The following XKR4 variants were observed in gnomAD, a reference collection of about 807,000 sequenced individuals.
XKR4 encodes the protein XK-related protein 4.
XKR4 carries 12 observed loss-of-function variants against 53.9 expected under a neutral mutation model. That is an observed-to-expected ratio of 0.22 (90% CI 0.14 to 0.36). The LOEUF (loss-of-function observed/expected upper bound fraction) is 0.36. XKR4 is among the 10% of genes least tolerant of loss of function. The pLI is 1.00. For missense variants in XKR4, 799 were observed against 859.5 expected (o/e 0.93, Z 0.88); for synonymous variants, 354 against 362.4 (o/e 0.98, Z 0.26).
intron 1 of XKR4, among the ~76,000 whole-genome samples, chr8:55,302,571 A>G (rs1819218721): frequency 6.6e-6 from 1 of 152,132 alleles, no homozygotes; most frequent in Non-Finnish European, 1.5e-5. Context: ...CATTGAATCT[A>G]TAAATTACCT....
At chr8:55,266,382 A>T (rs1818601094) in intron 1 of XKR4, among the ~76,000 whole-genome samples, 1 of 152,038 alleles carries the variant, frequency 6.6e-6, no homozygotes, top group South Asian at 2.1e-4. Flanking sequence ...AGTGCATTGC[A>T]TGGCACCCCA....
chr8:55,375,728 A>T (rs1026467908), intron 2 of XKR4, among the ~76,000 whole-genome samples: 9 of 126,168 alleles, frequency 7.1e-5, no homozygotes, highest in South Asian at 2.5e-4. Flanking sequence ...TTTTTTTTTT[A>T]AATATATTTT....
chr8:55,524,049 A>T lies in XKR4; in HGVS notation c.1775A>T (p.Glu592Val). ...TPSSRPPRIE[E>V]SVIKIDLFRN... ...TCATCTCGCCCACCACGGATTGAAG[A>T]ATCAGTCATTAAAATTGACTTGTTC... Residue 592 changes from glutamate (E) to valine (V), a missense_variant, in exon 3 of 3, where the codon GAA (glutamate) becomes GTA (valine). Glu to Val is a moderately radical substitution (Grantham distance 121). Transcript: ENST00000327381. 1.2e-6 allele frequency: 2 copies of T among 1,614,204 alleles called. No individual in the cohort carries two copies. The highest frequency in any genetic ancestry group is 1.7e-6 in the Non-Finnish European group (2 of 1,180,036).
chr8:55,373,154 C>T (rs995920853), intron 2 of XKR4, among the ~76,000 whole-genome samples: 7 of 152,078 alleles, frequency 4.6e-5, no homozygotes, highest in Admixed American at 6.6e-5. Flanking sequence ...TAACAAGACT[C>T]GAAAACTACA....
At chr8:55,200,849 A>C (rs1372433584) in intron 1 of XKR4, among the ~76,000 whole-genome samples, 2 of 152,226 alleles carry the variant, frequency 1.3e-5, no homozygotes, top group Non-Finnish European at 2.9e-5. Flanking sequence ...CAGGTTACAC[A>C]TTTGGTAATA....
chr8:55,317,811 A>G (rs978231911), intron 1 of XKR4, among the ~76,000 whole-genome samples: 1 of 152,234 alleles, frequency 6.6e-6, no homozygotes, highest in Non-Finnish European at 1.5e-5. Context: ...GATGATTGGC[A>G]TAGGGGTCCT....
intron 1 of XKR4, among the ~76,000 whole-genome samples, chr8:55,241,930 C>CAAT (rs149205351): frequency 1.1e-4 from 16 of 151,868 alleles, no homozygotes; most frequent in African/African-American, 2.7e-4. Flanking sequence ...AGCAAGATGA[C>CAAT]AATAATAATA....
intron 2 of XKR4, among the ~76,000 whole-genome samples, chr8:55,438,589 T>TAAA (rs1805213586): frequency 1.3e-5 from 1 of 76,908 alleles, no homozygotes; most frequent in African/African-American, 5.4e-5. Flanking sequence ...GACTCCATCT[T>TAAA]GAAAAAAAAA....
intron 2 of XKR4, among the ~76,000 whole-genome samples, chr8:55,414,775 C>G (rs1376529276): frequency 2.0e-5 from 3 of 152,036 alleles, no homozygotes; most frequent in African/African-American, 7.3e-5. Context: ...ATTTTCCGAG[C>G]CATCTTTAAT....
chr8:55,442,609 A>G (rs1373685311), intron 2 of XKR4, among the ~76,000 whole-genome samples: 1 of 152,240 alleles, frequency 6.6e-6, no homozygotes, highest in African/African-American at 2.4e-5. Flanking sequence ...TGAATCAAAC[A>G]TAGTATAGCC....
chr8:55,262,779 G>A (rs553727382), intron 1 of XKR4, among the ~76,000 whole-genome samples: 1 of 152,326 alleles, frequency 6.6e-6, no homozygotes, highest in South Asian at 2.1e-4. Context: ...GCTGGCATTA[G>A]ATGCCCACTC....
chr8:55,339,360 C>T (rs879546873), intron 1 of XKR4, among the ~76,000 whole-genome samples: 1 of 152,260 alleles, frequency 6.6e-6, no homozygotes, highest in Non-Finnish European at 1.5e-5. Context: ...ATAAGGCTTC[C>T]GAGAAGGCTA....
chr8:55,311,190 C>T (rs1383664959), intron 1 of XKR4, among the ~76,000 whole-genome samples: 1 of 152,184 alleles, frequency 6.6e-6, no homozygotes, highest in Non-Finnish European at 1.5e-5. Flanking sequence ...AAGGGAAAAC[C>T]AGCAGAGCAA....
intron 2 of XKR4, among the ~76,000 whole-genome samples, chr8:55,502,118 A>G (rs1303600961): frequency 2.0e-5 from 3 of 152,164 alleles, no homozygotes; most frequent in Admixed American, 6.5e-5. Flanking sequence ...TCTTTTTTCA[A>G]ATATTTTTGA....
chr8:55,427,120 A>G (rs1436190141), intron 2 of XKR4, among the ~76,000 whole-genome samples: 4 of 152,230 alleles, frequency 2.6e-5, no homozygotes, highest in African/African-American at 7.2e-5. Flanking sequence ...ATAAACATGT[A>G]TTGGATAATA....
intron 2 of XKR4, among the ~76,000 whole-genome samples, chr8:55,465,808 C>A (rs1372018255): frequency 6.6e-6 from 1 of 151,972 alleles, no homozygotes; most frequent in East Asian, 1.9e-4. Flanking sequence ...CAAACAACCC[C>A]ATCAAAAAGT....
intron 2 of XKR4, among the ~76,000 whole-genome samples, chr8:55,466,394 C>T (rs1456009341): frequency 6.6e-6 from 1 of 151,826 alleles, no homozygotes; most frequent in African/African-American, 2.4e-5. Context: ...GACTAAAAAC[C>T]AAACACCTCG....
intron 1 of XKR4, among the ~76,000 whole-genome samples, chr8:55,116,372 T>C (rs1816308906): frequency 6.6e-6 from 1 of 152,154 alleles, no homozygotes; most frequent in Non-Finnish European, 1.5e-5. Flanking sequence ...GAAAGAGTTC[T>C]GGTGAACAAC....
intron 2 of XKR4, among the ~76,000 whole-genome samples, chr8:55,396,393 T>G (rs202209551): frequency 1.1e-3 from 84 of 78,810 alleles, no homozygotes; most frequent in Non-Finnish European, 1.4e-3. Flanking sequence ...GTTTTTTTTT[T>G]GTTTGGTTTT....
Sources: gnomAD v4.1 joint callset for allele counts (sites outside exome capture counted in the v4.1 genomes callset) on GRCh38, gnomAD v4.1.1 for gene constraint, MANE v1.5 for transcripts, NCBI Gene and HGNC (gene_info 2026-07-23, HGNC 2026-07-21) for gene names.